ZNF385D: variants seen among roughly 807,000 people sequenced by gnomAD.
The protein encoded by ZNF385D is zinc finger protein 385D.
ZNF385D carries 15 observed loss-of-function variants against 35.8 expected under a neutral mutation model. The observed-to-expected ratio is 0.42, with a 90% confidence interval of 0.28 to 0.64. The LOEUF (loss-of-function observed/expected upper bound fraction) is 0.64. Ranked by LOEUF, ZNF385D falls within the 30% of genes least tolerant of loss-of-function variation. ZNF385D has a pLI of 0.23. For missense variants in ZNF385D, 474 were observed against 494.6 expected, an observed-to-expected ratio of 0.96 and a Z score of 0.39; for synonymous variants, 212 against 186.8, an observed-to-expected ratio of 1.13 and a Z score of -1.10.
rs372780546 is a variant in ZNF385D at position 21,693,443 on chromosome 3, A to T, written c.23-28415T>A. ...GTTTTAAATGAAACACTTACAGTATAGACCCTTGTCTCAGGCTCTGCTTTA... is the reference window on the plus strand; with the variant it reads ...GTTTTAAATGAAACACTTACAGTATTGACCCTTGTCTCAGGCTCTGCTTTA... On this transcript the variant is annotated intron_variant, in intron 1 of 7. Coordinates refer to ENST00000281523, the MANE Select transcript of ZNF385D (RefSeq NM_024697.3). Among the ~76,000 whole-genome samples the T allele has an allele frequency of 9.2e-5, 14 of 152,332 alleles. 1 individual carries two copies. In the East Asian group the frequency reaches 2.3e-3, roughly 25 times the overall value.
intron 1 of ZNF385D, among the ~76,000 whole-genome samples, chr3:21,700,102 T>C (rs1230925453): frequency 6.6e-6 from 1 of 152,130 alleles, no homozygotes; most frequent in Admixed American, 6.6e-5. Context: ...TCTCAAAATG[T>C]TGGGATTACA....
At chr3:22,178,696 T>C (rs1180198131) in intron 2 of ZNF385D, among the ~76,000 whole-genome samples, 8 of 152,238 alleles carry the variant, frequency 5.3e-5, no homozygotes, top group African/African-American at 1.2e-4. Flanking sequence ...CTAGGTTTTC[T>C]TCTAGGGTTT....
At chr3:21,723,663 T>C (rs2068634563) in intron 1 of ZNF385D, among the ~76,000 whole-genome samples, 1 of 152,098 alleles carries the variant, frequency 6.6e-6, no homozygotes, top group Non-Finnish European at 1.5e-5. Context: ...AAAGACCAAA[T>C]CTACATTTGA....
intron 1 of ZNF385D, among the ~76,000 whole-genome samples, chr3:21,699,644 T>C (rs1381305415): frequency 6.6e-6 from 1 of 152,012 alleles, no homozygotes; most frequent in African/African-American, 2.4e-5. Context: ...AAAGGGAATA[T>C]AAAACATTTC....
chr3:22,027,089 C>G (rs1697604038), intron 3 of ZNF385D, among the ~76,000 whole-genome samples: 1 of 152,220 alleles, frequency 6.6e-6, no homozygotes, highest in Non-Finnish European at 1.5e-5. Context: ...CTTCAGCTGG[C>G]AAGTGCAGCA....
intron 3 of ZNF385D, among the ~76,000 whole-genome samples, chr3:22,041,674 T>C (rs1698670628): frequency 6.6e-6 from 1 of 152,076 alleles, no homozygotes; most frequent in African/African-American, 2.4e-5. Context: ...AGTGGCAATA[T>C]TTATATTGAT....
At chr3:21,783,704 G>A (rs1005917242) in intron 3 of ZNF385D, among the ~76,000 whole-genome samples, 5 of 152,020 alleles carry the variant, frequency 3.3e-5, no homozygotes, top group African/African-American at 4.8e-5. Context: ...GAAGAACACC[G>A]TAACAGAAGC....
intron 3 of ZNF385D, among the ~76,000 whole-genome samples, chr3:21,901,124 A>G (rs547200630): frequency 1.3e-5 from 2 of 152,208 alleles, no homozygotes; most frequent in Non-Finnish European, 2.9e-5. Flanking sequence ...TATTTTATTT[A>G]ATTCTCAATA....
chr3:21,951,186 T>A (rs923194995), intron 3 of ZNF385D, among the ~76,000 whole-genome samples: 1 of 151,828 alleles, frequency 6.6e-6, no homozygotes, highest in South Asian at 2.1e-4. Flanking sequence ...GAACATGGAA[T>A]GTTTTTCCAA....
At chr3:22,156,416 C>G (rs1430125508) in intron 3 of ZNF385D, among the ~76,000 whole-genome samples, 8 of 152,068 alleles carry the variant, frequency 5.3e-5, no homozygotes, top group Non-Finnish European at 1.2e-4. Flanking sequence ...GGATTACATG[C>G]TCTTCAAATT....
chr3:22,212,776 G>C (rs1053866210), intron 2 of ZNF385D, among the ~76,000 whole-genome samples: 2 of 151,932 alleles, frequency 1.3e-5, no homozygotes, highest in Non-Finnish European at 1.5e-5. Context: ...TAATAGTATA[G>C]CTATAGTTAG....
At chr3:22,243,136 G>T (rs1262088296) in intron 2 of ZNF385D, among the ~76,000 whole-genome samples, 1 of 150,394 alleles carries the variant, frequency 6.6e-6, no homozygotes, top group Non-Finnish European at 1.5e-5. Flanking sequence ...ATGTGGTAAG[G>T]GTCTAGTATC....
chr3:21,614,000 G>A (rs2064767240), intron 2 of ZNF385D, among the ~76,000 whole-genome samples: 1 of 152,164 alleles, frequency 6.6e-6, no homozygotes, highest in South Asian at 2.1e-4. Flanking sequence ...CCTGAAGTGA[G>A]ACTCATTTAT....
chr3:21,954,917 T>C (rs901513649), intron 3 of ZNF385D, among the ~76,000 whole-genome samples: 1 of 152,108 alleles, frequency 6.6e-6, no homozygotes, highest in Non-Finnish European at 1.5e-5. Flanking sequence ...ATGTTGAAAC[T>C]GTGACTAGCC....
At chr3:21,518,634 C>A (rs1481690536) in intron 3 of ZNF385D, among the ~76,000 whole-genome samples, 2 of 152,112 alleles carry the variant, frequency 1.3e-5, no homozygotes, top group African/African-American at 4.8e-5. Context: ...TTAGTGTTAG[C>A]CATGTCTAGT....
intron 2 of ZNF385D, chr3:21,580,051 T>C (rs2063608777): frequency 6.6e-6 from 1 of 152,144 alleles, no homozygotes; most frequent in African/African-American, 2.4e-5. Flanking sequence ...GAACGGATGA[T>C]ATAAGAATCT....
chr3:21,661,006 T>C lies in ZNF385D; in HGVS notation c.165+3880A>G, dbSNP rs538815758. Among the ~76,000 whole-genome samples, 61 of 152,284 alleles carry C rather than the reference T, an allele frequency of 4.0e-4. No homozygotes were observed. In the South Asian group the frequency reaches 0.012, roughly 31 times the overall value. On this transcript the variant is annotated intron_variant, in intron 2 of 7. Coordinates refer to ENST00000281523, the MANE Select transcript of ZNF385D (RefSeq NM_024697.3). ...TCCTTGCCAACAGTGCCCAGGTATA[T>C]TAGACGCCACTGAAAAGAAATATTT...
rs146167353 is a variant in ZNF385D, at chr3:21,545,621, T to C, written c.276+18953A>G. Among the ~76,000 whole-genome samples the C allele has an allele frequency of 6.0e-3, 920 of 152,344 alleles. 3 individuals carry two copies. The highest frequency in any genetic ancestry group is 9.6e-3 in the Non-Finnish European group (654 of 68,034). On this transcript the variant is annotated intron_variant, in intron 3 of 7. Coordinates refer to ENST00000281523, the MANE Select transcript of ZNF385D (RefSeq NM_024697.3). ...GGATGACAGCAATAAAAATCCATTT[T>C]TCTTTTGCATTAGAACACAATTGGA...
chr3:21,481,624 C>G (rs163475), intron 4 of ZNF385D, among the ~76,000 whole-genome samples: 30,905 of 151,980 alleles, frequency 0.2, 3,658 homozygotes, highest in Non-Finnish European at 0.28. Flanking sequence ...TAACTCCTGG[C>G]CTCAAGCGAT....
Sources: allele counts gnomAD v4.1 joint callset (sites outside exome capture counted in the v4.1 genomes callset), GRCh38; gene constraint gnomAD v4.1.1; transcripts MANE v1.5; gene names NCBI Gene and HGNC (gene_info 2026-07-23, HGNC 2026-07-21).